NRXN1: variants seen among roughly 807,000 people sequenced by gnomAD.
NRXN1 encodes the protein neurexin 1.
Under a neutral mutation model 150.9 loss-of-function variants are expected in NRXN1, and 39 were observed. That is an observed-to-expected ratio of 0.26 (90% CI 0.20 to 0.34). The LOEUF (loss-of-function observed/expected upper bound fraction) is 0.34. Ranked by LOEUF, NRXN1 falls within the 10% of genes least tolerant of loss-of-function variation. NRXN1 has a pLI of 1.00. For missense variants in NRXN1, 1,815 were observed against 1,949.9 expected, an observed-to-expected ratio of 0.93 and a Z score of 1.30; for synonymous variants, 924 against 757.0, an observed-to-expected ratio of 1.22 and a Z score of -3.62.
At chr2:50,892,994 C>G (rs1409632649) in intron 5 of NRXN1, among the ~76,000 whole-genome samples, 3 of 152,118 alleles carry the variant, frequency 2.0e-5, no homozygotes, top group Non-Finnish European at 4.4e-5. Flanking sequence ...TGGGACCTGG[C>G]CATTTTCACC....
At chr2:50,704,517 T>C (rs1053546036) in intron 5 of NRXN1, among the ~76,000 whole-genome samples, 2 of 151,762 alleles carry the variant, frequency 1.3e-5, no homozygotes, top group Admixed American at 6.6e-5. Context: ...AATCTGAAAA[T>C]TGAATTGATA....
intron 13 of NRXN1, among the ~76,000 whole-genome samples, chr2:50,499,257 CT>C (rs1403796532): frequency 1.3e-5 from 2 of 152,158 alleles, no homozygotes; most frequent in Non-Finnish European, 2.9e-5. Flanking sequence ...TTCAAACACT[CT>C]TTTTTAGTCT....
intron 2 of NRXN1, among the ~76,000 whole-genome samples, chr2:50,976,620 A>T (rs891760685): frequency 6.6e-6 from 1 of 152,020 alleles, no homozygotes; most frequent in African/African-American, 2.4e-5. Flanking sequence ...TATATTAATA[A>T]AGGAAAAGTG....
intron 10 of NRXN1, among the ~76,000 whole-genome samples, chr2:50,531,763 C>T (rs532868419): frequency 2.0e-5 from 3 of 152,158 alleles, no homozygotes; most frequent in South Asian, 2.1e-4. Flanking sequence ...GCAAAGATCA[C>T]GTTCTTTTGT....
chr2:50,866,560 C>T (rs76376207), intron 5 of NRXN1, among the ~76,000 whole-genome samples: 7,439 of 151,936 alleles, frequency 0.049, 225 homozygotes, highest in East Asian at 0.068. Context: ...GTTAAAATAT[C>T]AGATCTATTT....
intron 8 of NRXN1, among the ~76,000 whole-genome samples, chr2:50,563,975 A>G (rs1375736698): frequency 1.3e-5 from 2 of 152,204 alleles, no homozygotes; most frequent in Non-Finnish European, 2.9e-5. Flanking sequence ...AGCAACTGCA[A>G]TGAGAACATT....
At chr2:50,009,252 A>G (rs1027989164) in intron 21 of NRXN1, among the ~76,000 whole-genome samples, 3 of 152,112 alleles carry the variant, frequency 2.0e-5, no homozygotes, top group African/African-American at 7.2e-5. Flanking sequence ...TATTGTCACA[A>G]TCTCTGCAGT....
intron 21 of NRXN1, among the ~76,000 whole-genome samples, chr2:50,029,416 G>T (rs1688858091): frequency 6.6e-6 from 1 of 152,140 alleles, no homozygotes; most frequent in Non-Finnish European, 1.5e-5. Context: ...CTAACTCCCA[G>T]TGAGTTTGTA....
rs59117287 is a variant in NRXN1, at chr2:50,776,655, T to TACAC, written c.832+145210_832+145213dup. On this transcript the variant is annotated intron_variant, in intron 5 of 22. Transcript: ENST00000401669. The stretch of plus-strand genomic sequence containing the variant: ...TGAGATATATATATATATATACACA[T>TACAC]ACACACACACACACACACACACATA... Among the ~76,000 whole-genome samples, 750 of 147,366 alleles carry TACAC rather than the reference T, an allele frequency of 5.1e-3. 3 individuals carry two copies. The highest frequency in any genetic ancestry group is 4.1e-3 in the Non-Finnish European group (273 of 66,612).
chr2:50,538,781 C>T, intron 9 of NRXN1, 145 bp from the exon 10 acceptor site: 1 of 622,402 alleles, frequency 1.6e-6, no homozygotes, highest in South Asian at 6.7e-5. Flanking sequence ...TTTGGTATTT[C>T]CTAGAGAAAT....
intron 17 of NRXN1, among the ~76,000 whole-genome samples, chr2:50,246,284 A>G (rs979760980): frequency 5.9e-5 from 9 of 152,008 alleles, no homozygotes; most frequent in Non-Finnish European, 1.3e-4. Flanking sequence ...CTTTTACTCT[A>G]TACCAGAAAG....
chr2:50,400,246 C>T (rs2082310633), intron 17 of NRXN1, among the ~76,000 whole-genome samples: 2 of 152,060 alleles, frequency 1.3e-5, no homozygotes, highest in African/African-American at 4.8e-5. Flanking sequence ...ACATATTTCC[C>T]ATATTCCAAT....
intron 15 of NRXN1, among the ~76,000 whole-genome samples, chr2:50,480,861 C>T (rs1327586728): frequency 2.0e-5 from 3 of 151,946 alleles, no homozygotes; most frequent in Non-Finnish European, 4.4e-5. Context: ...AGAGGTCTTC[C>T]TTACTGCTTT....
chr2:50,573,167 C>A (rs1214318661), intron 8 of NRXN1, among the ~76,000 whole-genome samples: 1 of 151,818 alleles, frequency 6.6e-6, no homozygotes, highest in Non-Finnish European at 1.5e-5. Context: ...CTCAGGAGTT[C>A]GAGACCAGCC....
At chr2:50,368,505 C>A (rs777638677) in intron 17 of NRXN1, among the ~76,000 whole-genome samples, 21 of 151,888 alleles carry the variant, frequency 1.4e-4, no homozygotes, top group Non-Finnish European at 2.5e-4. Context: ...GTATCCAGAT[C>A]ATGAGAGTAA....
chr2:50,494,502 G>C (rs2091448678), intron 15 of NRXN1, among the ~76,000 whole-genome samples: 1 of 152,110 alleles, frequency 6.6e-6, no homozygotes, highest in African/African-American at 2.4e-5. Context: ...GTAAGAAGCA[G>C]TTCTTTGAAT....
At chr2:50,579,418 C>T (rs1573627627) in intron 8 of NRXN1, among the ~76,000 whole-genome samples, 3 of 152,164 alleles carry the variant, frequency 2.0e-5, no homozygotes, top group African/African-American at 2.4e-5. Context: ...CCTGGTACTT[C>T]GGAAGGCCGA....
chr2:49,969,912 T>C (rs1042575281), intron 21 of NRXN1: 7 of 152,056 alleles, frequency 4.6e-5, no homozygotes, highest in African/African-American at 7.2e-5. Flanking sequence ...AAATCTGAAA[T>C]AGGCTTAGAG....
At chr2:50,162,576 T>C (rs1459921180) in intron 18 of NRXN1, among the ~76,000 whole-genome samples, 3 of 151,880 alleles carry the variant, frequency 2.0e-5, no homozygotes, top group Admixed American at 6.6e-5. Context: ...CATAAAAGTA[T>C]GAAATAATAA....
Sources: allele counts gnomAD v4.1 joint callset (sites outside exome capture counted in the v4.1 genomes callset), GRCh38; gene constraint gnomAD v4.1.1; transcripts MANE v1.5; gene names NCBI Gene and HGNC (gene_info 2026-07-23, HGNC 2026-07-21).